Variants in KCNIP4 observed in about 807,000 individuals in gnomAD.
KCNIP4 encodes the protein Kv channel-interacting protein 4.
A neutral mutation model predicts 34.0 loss-of-function variants in KCNIP4; 12 were observed. That is an observed-to-expected ratio of 0.35 (90% CI 0.23 to 0.57). The LOEUF (loss-of-function observed/expected upper bound fraction) is 0.57. Among genes scored for constraint, KCNIP4 ranks in the 20% least tolerant of loss-of-function variants. The probability of loss-of-function intolerance (pLI) is 0.83; values close to 1 mark genes in which losing one functional copy is unlikely to be tolerated. For synonymous variants in KCNIP4, 124 were observed against 102.2 expected (o/e 1.21, Z -1.29); for missense variants, 238 against 311.7 (o/e 0.76, Z 1.78).
intron 1 of KCNIP4, among the ~76,000 whole-genome samples, chr4:21,619,856 T>A (rs748585916): frequency 6.6e-6 from 1 of 152,162 alleles, no homozygotes; most frequent in Non-Finnish European, 1.5e-5. Flanking sequence ...CATAAGTGCT[T>A]TAGTAGATCA....
chr4:21,576,373 G>A (rs946700710), intron 1 of KCNIP4, among the ~76,000 whole-genome samples: 1 of 152,032 alleles, frequency 6.6e-6, no homozygotes, highest in Non-Finnish European at 1.5e-5. Flanking sequence ...AGGTCACGTC[G>A]GCACTAAGCC....
At chr4:21,530,564 A>T (rs1258685896) in intron 1 of KCNIP4, among the ~76,000 whole-genome samples, 1 of 152,176 alleles carries the variant, frequency 6.6e-6, no homozygotes, top group Non-Finnish European at 1.5e-5. Context: ...TGTTGATATA[A>T]TATATTAATG....
chr4:21,129,093 C>G (rs1750852440), intron 1 of KCNIP4, among the ~76,000 whole-genome samples: 1 of 152,130 alleles, frequency 6.6e-6, no homozygotes, highest in Non-Finnish European at 1.5e-5. Context: ...GGCGGTTCCC[C>G]CATACTGTTC....
chr4:21,443,886 C>T (rs1034663430), intron 1 of KCNIP4, among the ~76,000 whole-genome samples: 4 of 152,040 alleles, frequency 2.6e-5, no homozygotes, highest in South Asian at 2.1e-4. Context: ...TGAGTCATTA[C>T]ATCACTGCAC....
intron 1 of KCNIP4, among the ~76,000 whole-genome samples, chr4:21,149,909 CTGT>C (rs1378334759): frequency 6.6e-6 from 1 of 152,144 alleles, no homozygotes; most frequent in Non-Finnish European, 1.5e-5. Context: ...ATTTGTTTCA[CTGT>C]GTTGGAAATG....
chr4:20,897,288 T>C (rs781405291), intron 1 of KCNIP4, among the ~76,000 whole-genome samples: 2 of 151,990 alleles, frequency 1.3e-5, no homozygotes, highest in Non-Finnish European at 2.9e-5. Flanking sequence ...TCTAATTTCT[T>C]TCCTTGCCAC....
intron 1 of KCNIP4, among the ~76,000 whole-genome samples, chr4:20,902,815 C>A (rs187350161): frequency 6.6e-6 from 1 of 152,038 alleles, no homozygotes; most frequent in Non-Finnish European, 1.5e-5. Flanking sequence ...CCACTGTGCC[C>A]GGCTAAGCCT....
intron 1 of KCNIP4, among the ~76,000 whole-genome samples, chr4:21,681,637 T>A (rs1750363332): frequency 6.6e-6 from 1 of 152,138 alleles, no homozygotes; most frequent in East Asian, 1.9e-4. Context: ...TTGAAGAGAG[T>A]TAGAGCCTGT....
chr4:21,484,888 C>G (rs1731777385), intron 1 of KCNIP4, among the ~76,000 whole-genome samples: 1 of 152,192 alleles, frequency 6.6e-6, no homozygotes, highest in Non-Finnish European at 1.5e-5. Context: ...AGGGCAGGAA[C>G]TCTTCTTATT....
intron 1 of KCNIP4, among the ~76,000 whole-genome samples, chr4:21,738,060 C>T (rs1184040723): frequency 6.6e-6 from 1 of 150,956 alleles, no homozygotes; most frequent in East Asian, 2.0e-4. Flanking sequence ...CCACTGCACT[C>T]CAGCCTGGGC....
Position 20,864,195 on chromosome 4 carries a change from T to C in KCNIP4, c.164-13528A>G, listed in dbSNP as rs372345340. ...ATACACATGTATGTATGCGTACATA[T>C]GTATGTACACACATGCATGTATATA... On this transcript the variant is annotated intron_variant, in intron 2 of 8. Coordinates refer to ENST00000382152, the MANE Select transcript of KCNIP4 (RefSeq NM_025221.6). Among the ~76,000 whole-genome samples the C allele has an allele frequency of 2.4e-4, 35 of 143,040 alleles. No homozygotes were observed. In the South Asian group the frequency reaches 4.1e-3, roughly 17 times the overall value. 93.8% of individuals were successfully genotyped at this position (143,040 alleles called of 152,430 possible).
At chr4:21,044,179 A>G (rs1742220346) in intron 1 of KCNIP4, among the ~76,000 whole-genome samples, 1 of 151,986 alleles carries the variant, frequency 6.6e-6, no homozygotes, top group African/African-American at 2.4e-5. Context: ...TCTCATCTCC[A>G]CTACCATCTT....
At chr4:21,600,305 C>T (rs1743004500) in intron 1 of KCNIP4, among the ~76,000 whole-genome samples, 1 of 152,104 alleles carries the variant, frequency 6.6e-6, no homozygotes, top group African/African-American at 2.4e-5. Context: ...GCTGCTCAAA[C>T]TTTCATAATT....
intron 1 of KCNIP4, among the ~76,000 whole-genome samples, chr4:21,478,860 G>A (rs553462982): frequency 6.6e-6 from 1 of 152,220 alleles, no homozygotes; most frequent in South Asian, 2.1e-4. Flanking sequence ...CATCTGGATG[G>A]CAATATCATA....
chr4:21,882,333 C>A (rs1050421255), intron 1 of KCNIP4, among the ~76,000 whole-genome samples: 1 of 152,172 alleles, frequency 6.6e-6, no homozygotes, highest in Middle Eastern at 3.4e-3. Flanking sequence ...ACACAGCATT[C>A]AAATCTGGTA....
chr4:20,784,453 T>G (rs915505304), intron 3 of KCNIP4, among the ~76,000 whole-genome samples: 1 of 152,184 alleles, frequency 6.6e-6, no homozygotes, highest in Admixed American at 6.5e-5. Flanking sequence ...GGAAATAATA[T>G]TCTTTAATAA....
intron 1 of KCNIP4, among the ~76,000 whole-genome samples, chr4:21,747,494 TG>T (rs1280195505): frequency 6.6e-6 from 1 of 152,136 alleles, no homozygotes; most frequent in Non-Finnish European, 1.5e-5. Flanking sequence ...CTTAGTTCAG[TG>T]CAGGTTATAG....
At chr4:21,340,673 C>G (rs1011744298) in intron 1 of KCNIP4, among the ~76,000 whole-genome samples, 1 of 150,688 alleles carries the variant, frequency 6.6e-6, no homozygotes, top group East Asian at 1.9e-4. Flanking sequence ...AAACATTCTA[C>G]TCTGAAAAAA....
chr4:21,528,668 TAAAAAACA>T (rs1560488801), intron 1 of KCNIP4, among the ~76,000 whole-genome samples: 3,040 of 117,862 alleles, frequency 0.026, 243 homozygotes, highest in Non-Finnish European at 0.03. Flanking sequence ...CTCTGTCTCA[TAAAAAACA>T]AAGAAAGAAA....
Sources: gnomAD v4.1 joint callset for allele counts (sites outside exome capture counted in the v4.1 genomes callset) on GRCh38, gnomAD v4.1.1 for gene constraint, MANE v1.5 for transcripts, NCBI Gene and HGNC (gene_info 2026-07-23, HGNC 2026-07-21) for gene names.